The following DGKB variants were observed in gnomAD, a reference collection of about 807,000 sequenced individuals.
The protein encoded by DGKB is 90 kDa diacylglycerol kinase.
DGKB carries 67 observed loss-of-function variants against 114.3 expected under a neutral mutation model. That is an observed-to-expected ratio of 0.59 (90% confidence interval 0.48 to 0.72). The LOEUF is 0.72. DGKB is among the 30% of genes least tolerant of loss of function. DGKB has a pLI of 0.00. For synonymous variants in DGKB, 398 were observed against 323.1 expected (o/e 1.23, Z -2.49); for missense variants, 907 against 975.2 (o/e 0.93, Z 0.93).
At chr7:14,717,291 G>T (rs1226420206) in intron 6 of DGKB, among the ~76,000 whole-genome samples, 1 of 151,996 alleles carries the variant, frequency 6.6e-6, no homozygotes, top group Non-Finnish European at 1.5e-5. Context: ...TTTCAGATGT[G>T]GAAAAAATGT....
intron 6 of DGKB, among the ~76,000 whole-genome samples, chr7:14,702,674 T>C (rs911819724): frequency 1.3e-5 from 2 of 152,176 alleles, no homozygotes; most frequent in African/African-American, 2.4e-5. Context: ...CTTGGGTTTG[T>C]ATAATTTCCT....
chr7:14,946,605 G>A (rs1785896148), intron 1 of DGKB, among the ~76,000 whole-genome samples: 1 of 151,620 alleles, frequency 6.6e-6, no homozygotes, highest in Admixed American at 6.6e-5. Flanking sequence ...CAAATATCAG[G>A]CCCTCATGTT....
At chr7:14,324,943 T>C (rs1808462819) in intron 23 of DGKB, among the ~76,000 whole-genome samples, 5 of 152,150 alleles carry the variant, frequency 3.3e-5, no homozygotes, top group Admixed American at 2.6e-4. Flanking sequence ...GAGTCTACGT[T>C]AAAGTGCCAT....
chr7:14,632,872 C>T (rs1314294934), intron 13 of DGKB, among the ~76,000 whole-genome samples: 1 of 151,906 alleles, frequency 6.6e-6, no homozygotes, highest in East Asian at 1.9e-4. Flanking sequence ...CCCTTATTGA[C>T]AGGCATCGCA....
chr7:14,969,563 T>G (rs899250968), intron 1 of DGKB, among the ~76,000 whole-genome samples: 1 of 152,090 alleles, frequency 6.6e-6, no homozygotes, highest in Non-Finnish European at 1.5e-5. Context: ...TTCTGTCAGA[T>G]CAGCAGCAGC....
intron 23 of DGKB, among the ~76,000 whole-genome samples, chr7:14,233,113 G>A (rs573412931): frequency 6.6e-6 from 1 of 152,144 alleles, no homozygotes; most frequent in African/African-American, 2.4e-5. Context: ...GCTTGAGTTG[G>A]AAGACAGAGG....
chr7:14,186,503 C>A lies in DGKB; in HGVS notation c.2123-8352G>T, dbSNP rs559517809. Among the ~76,000 whole-genome samples the A allele has an allele frequency of 2.5e-3, 379 of 152,278 alleles. 1 individual carries two copies. Among genetic ancestry groups the A allele is most frequent in the African/African-American group, 8.4e-3 (349 of 41,536 alleles). On this transcript the variant is annotated intron_variant, in intron 23 of 25. Coordinates refer to ENST00000402815, the MANE Select transcript of DGKB (RefSeq NM_001350709.2). ...AAAGTAGAACTACCATTTGATCTAG[C>A]AGTCCCTCTACTGGGTGTCTACACA...
chr7:14,758,634 G>C (rs1012049531), intron 2 of DGKB, among the ~76,000 whole-genome samples: 6 of 151,958 alleles, frequency 3.9e-5, no homozygotes, highest in Non-Finnish European at 5.9e-5. Flanking sequence ...AAAATTATTG[G>C]CTACCAATTG....
At chr7:14,573,199 T>G (rs1383837976) in intron 20 of DGKB, among the ~76,000 whole-genome samples, 1 of 152,148 alleles carries the variant, frequency 6.6e-6, no homozygotes, top group African/African-American at 2.4e-5. Flanking sequence ...ACATTGCATT[T>G]TTCTTTCAAA....
chr7:14,291,045 G>A (rs1470532892), intron 23 of DGKB, among the ~76,000 whole-genome samples: 1 of 151,162 alleles, frequency 6.6e-6, no homozygotes, highest in Admixed American at 6.6e-5. Context: ...GGGAGGCTGA[G>A]GCAGGAGAAT....
intron 2 of DGKB, among the ~76,000 whole-genome samples, chr7:14,802,985 T>C (rs547968728): frequency 6.6e-6 from 1 of 152,112 alleles, no homozygotes. Context: ...GATAGTGCTG[T>C]AATAAACAAA....
At chr7:14,737,134 G>C (rs540450437) in intron 4 of DGKB, among the ~76,000 whole-genome samples, 7 of 152,302 alleles carry the variant, frequency 4.6e-5, no homozygotes, top group African/African-American at 1.7e-4. Flanking sequence ...CCACATGGAG[G>C]AGAAGGCCAG....
At chr7:14,162,171 C>A (rs574382303) in intron 25 of DGKB, among the ~76,000 whole-genome samples, 1 of 152,142 alleles carries the variant, frequency 6.6e-6, no homozygotes, top group Non-Finnish European at 1.5e-5. Context: ...AAGGCAAGGT[C>A]AGAAGGCAAA....
At chr7:14,359,056 A>G (rs2128625216) in intron 21 of DGKB, among the ~76,000 whole-genome samples, 1 of 152,254 alleles carries the variant, frequency 6.6e-6, no homozygotes, top group Non-Finnish European at 1.5e-5. Flanking sequence ...AAACTATACT[A>G]CAAGGCCACA....
chr7:14,594,261 G>T (rs1168997018), intron 17 of DGKB, among the ~76,000 whole-genome samples: 3 of 151,932 alleles, frequency 2.0e-5, no homozygotes, highest in Admixed American at 1.3e-4. Flanking sequence ...CTACAAATAC[G>T]CAGTAAAATT....
intron 4 of DGKB, among the ~76,000 whole-genome samples, chr7:14,737,144 G>C (rs1831841000): frequency 6.6e-6 from 1 of 152,194 alleles, no homozygotes; most frequent in South Asian, 2.1e-4. Context: ...GAGAAGGCCA[G>C]TGGAGTGGTC....
At chr7:14,856,560 A>T (rs1465351774) in intron 1 of DGKB, among the ~76,000 whole-genome samples, 1 of 152,066 alleles carries the variant, frequency 6.6e-6, no homozygotes, top group Non-Finnish European at 1.5e-5. Context: ...CTTTTAATGC[A>T]ACTTGCATTT....
intron 1 of DGKB, among the ~76,000 whole-genome samples, chr7:14,952,486 G>C (rs911751018): frequency 6.6e-6 from 1 of 151,806 alleles, no homozygotes; most frequent in Non-Finnish European, 1.5e-5. Context: ...TTAATATAGT[G>C]ATTCTAAAAT....
At chr7:14,496,455 G>T (rs2128944192) in intron 20 of DGKB, among the ~76,000 whole-genome samples, 1 of 151,830 alleles carries the variant, frequency 6.6e-6, no homozygotes, top group African/African-American at 2.4e-5. Context: ...AAGCAAAAAT[G>T]AGTGGTATAA....
Sources: gnomAD v4.1 joint callset for allele counts (sites outside exome capture counted in the v4.1 genomes callset) on GRCh38, gnomAD v4.1.1 for gene constraint, MANE v1.5 for transcripts, NCBI Gene and HGNC (gene_info 2026-07-23, HGNC 2026-07-21) for gene names.